COL21A1: variants seen among roughly 807,000 people sequenced by gnomAD.
COL21A1 encodes the protein collagen type XXI alpha 1 chain.
A neutral mutation model predicts 137.9 loss-of-function variants in COL21A1; 149 were observed. The ratio of observed to expected loss-of-function variants is 1.08; its 90% CI spans 0.95 to 1.24. The LOEUF (loss-of-function observed/expected upper bound fraction) is 1.24, where lower values mean the gene tolerates loss of function less well. Among genes scored for constraint, COL21A1 ranks in the 50% most tolerant of loss-of-function variants. The pLI is 0.00. For missense variants in COL21A1, 1,167 were observed against 1,158.4 expected, an observed-to-expected ratio of 1.01 and a Z score of -0.11; for synonymous variants, 456 against 391.5, an observed-to-expected ratio of 1.16 and a Z score of -1.95.
intron 10 of COL21A1, among the ~76,000 whole-genome samples, chr6:56,148,332 A>AGAGAGAGAG (rs752184303): frequency 4.0e-5 from 1 of 24,712 alleles, no homozygotes; most frequent in African/African-American, 1.2e-4. Context: ...TTAGTGAGAC[A>AGAGAGAGAG]AGAGACAGAG....
At chr6:56,365,461 C>A (rs1230811851) in intron 1 of COL21A1, among the ~76,000 whole-genome samples, 2 of 152,108 alleles carry the variant, frequency 1.3e-5, no homozygotes, top group Non-Finnish European at 2.9e-5. Flanking sequence ...CTGGTATAAT[C>A]CTACCCTTAC....
At chr6:56,376,352 G>A (rs1285273219) in intron 1 of COL21A1, among the ~76,000 whole-genome samples, 4 of 152,184 alleles carry the variant, frequency 2.6e-5, no homozygotes, top group Admixed American at 2.6e-4. Context: ...GGAAGAGGAG[G>A]CAGGATGAGA....
intron 1 of COL21A1, among the ~76,000 whole-genome samples, chr6:56,221,846 G>A (rs569349183): frequency 6.6e-6 from 1 of 152,212 alleles, no homozygotes; most frequent in Admixed American, 6.5e-5. Flanking sequence ...GAATCAAAAT[G>A]TTTTTGAAAT....
At chr6:56,159,865 C>T (rs996114332) in intron 9 of COL21A1, among the ~76,000 whole-genome samples, 1 of 151,950 alleles carries the variant, frequency 6.6e-6, no homozygotes, top group Non-Finnish European at 1.5e-5. Flanking sequence ...TTTTATGCTG[C>T]ATACAATTAT....
At chr6:56,340,125 T>A (rs1765432479) in intron 1 of COL21A1, among the ~76,000 whole-genome samples, 1 of 152,204 alleles carries the variant, frequency 6.6e-6, no homozygotes, top group Non-Finnish European at 1.5e-5. Flanking sequence ...TCTTTAGAGA[T>A]ACATTGTTTT....
At chr6:56,226,554 A>G (rs948476993) in intron 1 of COL21A1, among the ~76,000 whole-genome samples, 1 of 152,074 alleles carries the variant, frequency 6.6e-6, no homozygotes, top group African/African-American at 2.4e-5. Flanking sequence ...TGTTGAAAAT[A>G]TAAACCACAC....
At chr6:56,381,594 C>T (rs983339720) in intron 1 of COL21A1, among the ~76,000 whole-genome samples, 1 of 152,240 alleles carries the variant, frequency 6.6e-6, no homozygotes, top group African/African-American at 2.4e-5. Context: ...ACAAAACACA[C>T]AGCAAGGGTG....
At chr6:56,258,315 G>A (rs1205253100) in intron 1 of COL21A1, among the ~76,000 whole-genome samples, 6 of 152,056 alleles carry the variant, frequency 3.9e-5, no homozygotes, top group Non-Finnish European at 8.8e-5. Context: ...AGTCTGCCCT[G>A]TGCTCTTTTT....
At chr6:56,283,872 A>ACT (rs1176221090) in intron 1 of COL21A1, among the ~76,000 whole-genome samples, 1 of 84,094 alleles carries the variant, frequency 1.2e-5, no homozygotes, top group South Asian at 3.3e-4. Context: ...ACTCACACAC[A>ACT]CACTCTCTCT....
At chr6:56,353,811 A>C (rs538348137) in intron 1 of COL21A1, among the ~76,000 whole-genome samples, 1 of 152,324 alleles carries the variant, frequency 6.6e-6, no homozygotes, top group East Asian at 1.9e-4. Flanking sequence ...AACATGCTAC[A>C]GGGAACAGAA....
intron 1 of COL21A1, among the ~76,000 whole-genome samples, chr6:56,184,056 C>T (rs1436256931): frequency 6.6e-6 from 1 of 152,010 alleles, no homozygotes; most frequent in Admixed American, 6.6e-5. Flanking sequence ...GGAACAATAT[C>T]AAGTGATCTT....
intron 1 of COL21A1, among the ~76,000 whole-genome samples, chr6:56,224,183 G>C (rs974974720): frequency 3.9e-5 from 6 of 152,092 alleles, no homozygotes; most frequent in African/African-American, 1.4e-4. Context: ...ACGGGGCTTA[G>C]GGGAAAAAGC....
At chr6:56,323,641 G>A (rs1423024010) in intron 1 of COL21A1, among the ~76,000 whole-genome samples, 1 of 152,046 alleles carries the variant, frequency 6.6e-6, no homozygotes, top group Non-Finnish European at 1.5e-5. Flanking sequence ...ACCCTCCTCA[G>A]CCTCCCAAAG....
At chr6:56,063,947 C>G (rs1222384445) in intron 24 of COL21A1, among the ~76,000 whole-genome samples, 1 of 152,106 alleles carries the variant, frequency 6.6e-6, no homozygotes, top group Non-Finnish European at 1.5e-5. Context: ...AACATGCTAT[C>G]TAAGTACCAA....
At chr6:56,151,716 C>G (rs1775337072) in intron 10 of COL21A1, among the ~76,000 whole-genome samples, 1 of 152,160 alleles carries the variant, frequency 6.6e-6, no homozygotes, top group Non-Finnish European at 1.5e-5. Flanking sequence ...CCAAACAAAG[C>G]AGAATTCCCT....
intron 16 of COL21A1, among the ~76,000 whole-genome samples, chr6:56,105,706 A>C (rs961737872): frequency 1.3e-5 from 2 of 152,198 alleles, no homozygotes; most frequent in South Asian, 2.1e-4. Flanking sequence ...TCATCTGTGA[A>C]AGGATAAATT....
chr6:56,283,278 A>G (rs12205006), intron 1 of COL21A1, among the ~76,000 whole-genome samples: 5,829 of 152,162 alleles, frequency 0.038, 146 homozygotes, highest in Non-Finnish European at 0.056. Flanking sequence ...CCAAAAAATT[A>G]TTATAAATAA....
intron 22 of COL21A1, among the ~76,000 whole-genome samples, chr6:56,068,080 T>C (rs113178354): frequency 2.0e-5 from 3 of 151,642 alleles, no homozygotes; most frequent in African/African-American, 7.2e-5. Context: ...CCCAAACATA[T>C]ATTCGTAGTA....
chr6:56,148,393 T>A (rs1775019264), intron 10 of COL21A1, among the ~76,000 whole-genome samples: 1 of 90,584 alleles, frequency 1.1e-5, no homozygotes. Context: ...AATAAATAAA[T>A]CTATTTGCCA....
Sources: gnomAD v4.1 joint callset for allele counts (sites outside exome capture counted in the v4.1 genomes callset) on GRCh38, gnomAD v4.1.1 for gene constraint, MANE v1.5 for transcripts, NCBI Gene and HGNC (gene_info 2026-07-23, HGNC 2026-07-21) for gene names.